The following TTBK2 variants were observed in gnomAD, a reference collection of about 807,000 sequenced individuals.
TTBK2 encodes the protein tau tubulin kinase 2, also known as tau-tubulin kinase 2.
Under a neutral mutation model 110.8 loss-of-function variants are expected in TTBK2, and 28 were observed. The observed-to-expected ratio is 0.25, with a 90% CI of 0.19 to 0.35. The LOEUF is 0.35. Ranked by LOEUF, TTBK2 falls within the 10% of genes least tolerant of loss-of-function variation. TTBK2 has a pLI of 1.00. For synonymous variants in TTBK2, 532 were observed against 527.3 expected (o/e 1.01, Z -0.12); for missense variants, 1,369 against 1,500.3 (o/e 0.91, Z 1.45).
chr15:42,749,960 C>T (rs548745132), intron 14 of TTBK2, among the ~76,000 whole-genome samples: 1 of 152,220 alleles, frequency 6.6e-6, no homozygotes, highest in South Asian at 2.1e-4. Context: ...CTGGCATGCA[C>T]CTGTAGTTCC....
At chr15:42,815,959 AT>A (rs1175239358) in intron 7 of TTBK2, among the ~76,000 whole-genome samples, 190 of 15,992 alleles carry the variant, frequency 0.012, 3 homozygotes, top group South Asian at 0.023. Flanking sequence ...TAAAAAAAAA[AT>A]ATATATATAT....
intron 7 of TTBK2, among the ~76,000 whole-genome samples, chr15:42,815,519 T>C (rs1350210730): frequency 6.6e-6 from 1 of 151,946 alleles, no homozygotes; most frequent in African/African-American, 2.4e-5. Context: ...GGACTGATAA[T>C]CCATAAAAAT....
chr15:42,756,615 T>C (rs1470082646), intron 13 of TTBK2, among the ~76,000 whole-genome samples: 2 of 151,858 alleles, frequency 1.3e-5, no homozygotes, highest in Non-Finnish European at 2.9e-5. Flanking sequence ...AAAAACTCCA[T>C]TGGTCTTCTG....
At chr15:42,789,005 T>C (rs967057337) in intron 10 of TTBK2, among the ~76,000 whole-genome samples, 3 of 152,228 alleles carry the variant, frequency 2.0e-5, no homozygotes, top group African/African-American at 7.2e-5. Context: ...AACTCACAGT[T>C]ACTTTTTTTG....
At chr15:42,816,915 T>C (rs1301423804) in intron 7 of TTBK2, 117 bp downstream of exon 7, 8 of 551,836 alleles carry the variant, frequency 1.4e-5, no homozygotes, top group African/African-American at 2.1e-5. Flanking sequence ...CAAGACTCTG[T>C]CTCAACAAAT....
intron 13 of TTBK2, among the ~76,000 whole-genome samples, chr15:42,759,077 C>A (rs2061986673): frequency 6.6e-6 from 1 of 152,232 alleles, no homozygotes; most frequent in Non-Finnish European, 1.5e-5. Context: ...ATCTTCATTC[C>A]CTCAAGCTCA....
chr15:42,900,550 C>T (rs1259776071), intron 1 of TTBK2, among the ~76,000 whole-genome samples: 3 of 151,714 alleles, frequency 2.0e-5, no homozygotes, highest in South Asian at 2.1e-4. Flanking sequence ...AGCAAAACCC[C>T]GTCTCTACTA....
chr15:42,792,724 C>G (rs1354159925), intron 10 of TTBK2, among the ~76,000 whole-genome samples: 1 of 152,168 alleles, frequency 6.6e-6, no homozygotes, highest in African/African-American at 2.4e-5. Flanking sequence ...GAGGCAAGAG[C>G]ATGAAAGATA....
chr15:42,770,280 T>G (rs1889613537), intron 13 of TTBK2, among the ~76,000 whole-genome samples: 1 of 152,096 alleles, frequency 6.6e-6, no homozygotes, highest in African/African-American at 2.4e-5. Context: ...GGGATAAATC[T>G]AGTCCAACTT....
chr15:42,769,789 A>G lies in TTBK2; in HGVS notation c.1998+5346T>C, dbSNP rs188421600. Among the ~76,000 whole-genome samples, 833 of 152,294 alleles carry G rather than the reference A, an allele frequency of 5.5e-3. 1 individual carries two copies. The highest frequency in any genetic ancestry group is 0.01 in the Middle Eastern group (3 of 294). On this transcript the variant is annotated intron_variant, in intron 13 of 14. Transcript: ENST00000267890. ...TACCCAAAGGATTATAAATCATGCTACTATAAAGACACATGTACATGTATG... is the reference window on the plus strand; with the variant it reads ...TACCCAAAGGATTATAAATCATGCTGCTATAAAGACACATGTACATGTATG...
At chr15:42,782,314 C>T (rs531057202) in intron 11 of TTBK2, among the ~76,000 whole-genome samples, 6 of 152,246 alleles carry the variant, frequency 3.9e-5, no homozygotes, top group East Asian at 3.9e-4. Context: ...TCAGGTGATC[C>T]GCCCACCTTG....
chr15:42,920,717 C>A lies in TTBK2; in HGVS notation c.-347G>T. 6.5e-6 allele frequency: 1 copy of A among 154,268 alleles called. No homozygotes were observed. The highest frequency in any genetic ancestry group is 1.9e-4 in the South Asian group (1 of 5,200). The allele number at this position is 154,268 out of a possible 1,614,324, so 9.6% of individuals were successfully genotyped here. A position where few individuals can be genotyped will look rare whatever the true frequency, so the allele number is the denominator to read the frequency against. ...CTGCTCTTGTGCCAGCACCTGCTCC[C>A]CCTCCTGCCGCCGCCGCCGCCTCGT... On this transcript the variant is annotated 5_prime_UTR_variant, in exon 1 of 15. Coordinates refer to ENST00000267890, the MANE Select transcript of TTBK2 (RefSeq NM_173500.4).
At chr15:42,811,813 C>G in intron 7 of TTBK2, 33 bp from the exon 8 acceptor site, 1 of 1,582,436 alleles carries the variant, frequency 6.3e-7, no homozygotes, top group Non-Finnish European at 8.7e-7. Flanking sequence ...AGTCACATAA[C>G]ATTATTACTT....
At chr15:42,848,297 T>C (rs1447174495) in intron 3 of TTBK2, among the ~76,000 whole-genome samples, 3 of 152,150 alleles carry the variant, frequency 2.0e-5, no homozygotes, top group Non-Finnish European at 4.4e-5. Context: ...TCAGCTTCTC[T>C]ATAACTACAA....
intron 4 of TTBK2, among the ~76,000 whole-genome samples, chr15:42,837,375 AG>A (rs1893032203): frequency 6.7e-6 from 1 of 150,020 alleles, no homozygotes; most frequent in Non-Finnish European, 1.5e-5. Flanking sequence ...AAAAAAAAAA[AG>A]GCCAGGCATG....
At chr15:42,773,001 A>T (rs1889744202) in intron 13 of TTBK2, among the ~76,000 whole-genome samples, 1 of 152,162 alleles carries the variant, frequency 6.6e-6, no homozygotes. Context: ...GTAAGTTTTC[A>T]TTGCCAACCT....
At chr15:42,824,676 C>G (rs545296185) in intron 6 of TTBK2, among the ~76,000 whole-genome samples, 1 of 151,946 alleles carries the variant, frequency 6.6e-6, no homozygotes, top group Admixed American at 6.6e-5. Context: ...GATGAGAACT[C>G]GTAGACACAA....
chr15:42,777,178 C>A lies in TTBK2; in HGVS notation c.1262G>T (p.Gly421Val). Reference sequence around the variant, plus strand: ...CTCTGAGCGGACACGAATTGGTGACCCAAGGCTTGGAGCATTGAGAAGACC... The same window carrying A: ...CTCTGAGCGGACACGAATTGGTGACACAAGGCTTGGAGCATTGAGAAGACC... ...ANGLLNAPSL[G>V]SPIRVRSEIT... is the part of the protein sequence containing the mutation. Residue 421 changes from glycine to valine, a missense_variant, in exon 12 of 15, where the codon GGG becomes GTG. By Grantham distance (109) the Gly-to-Val change is moderately radical. Transcript: ENST00000267890. 1.2e-6 allele frequency: 2 copies of A among 1,614,132 alleles called. No individual in the cohort carries two copies. Among genetic ancestry groups the A allele is most frequent in the Non-Finnish European group, 1.7e-6 (2 of 1,180,034 alleles).
chr15:42,813,143 C>T (rs536567414), intron 7 of TTBK2, among the ~76,000 whole-genome samples: 1 of 152,066 alleles, frequency 6.6e-6, no homozygotes, highest in Admixed American at 6.6e-5. Flanking sequence ...AAATCCCAAA[C>T]AGATAAATAT....
Sources: gnomAD v4.1 joint callset for allele counts (sites outside exome capture counted in the v4.1 genomes callset) on GRCh38, gnomAD v4.1.1 for gene constraint, MANE v1.5 for transcripts, NCBI Gene and HGNC (gene_info 2026-07-23, HGNC 2026-07-21) for gene names.